The following PDE6A variants were observed in gnomAD, a reference collection of about 807,000 sequenced individuals.
PDE6A encodes the protein phosphodiesterase 6A.
PDE6A carries 84 observed loss-of-function variants against 106.3 expected under a neutral mutation model. The observed-to-expected ratio is 0.79, with a 90% confidence interval of 0.66 to 0.95. The LOEUF is 0.95. PDE6A is among the 40% of genes least tolerant of loss of function. The pLI, the probability that PDE6A is intolerant of heterozygous loss-of-function variation, is 0.00. For missense variants in PDE6A, 1,052 were observed against 1,084.9 expected (o/e 0.97, Z 0.43); for synonymous variants, 394 against 386.6 (o/e 1.02, Z -0.23).
chr5:149,930,998 T>C, intron 4 of PDE6A, 30 bp downstream of exon 4: 3 of 1,611,774 alleles, frequency 1.9e-6, no homozygotes, highest in East Asian at 2.2e-5. Flanking sequence ...AATCTTTTCT[T>C]GGAAATGTCT....
In PDE6A at chr5:149,944,311, G is replaced by A. The variant is rs767520227; in HGVS notation, c.363C>T (p.Leu121=). 2.0e-5 allele frequency: 32 copies of A among 1,613,922 alleles called. No individual in the cohort carries two copies. Among genetic ancestry groups the A allele is most frequent in the African/African-American group, 6.7e-5 (5 of 74,886 alleles). ...RLFNVHKDAV[L]EDCLVMPDQE... ...GGTCGGGCATCACCAGGCAGTCCTC[G>A]AGGACAGCATCCTTGTGGACATTGA... The change falls in exon 1 of 22, where the codon CTC becomes CTT. Residue 121 remains leucine, a synonymous_variant. Coordinates refer to ENST00000255266, the MANE Select transcript of PDE6A (RefSeq NM_000440.3).
At chr5:149,882,411 C>A (rs1265386326) in intron 17 of PDE6A, among the ~76,000 whole-genome samples, 2 of 152,056 alleles carry the variant, frequency 1.3e-5, no homozygotes, top group Non-Finnish European at 2.9e-5. Context: ...CCTTGTCTCC[C>A]CTGCAACTTT....
At chr5:149,916,528 C>T (rs577516808) in intron 5 of PDE6A, among the ~76,000 whole-genome samples, 21 of 152,304 alleles carry the variant, frequency 1.4e-4, no homozygotes, top group African/African-American at 4.8e-4. Flanking sequence ...AACTAACTCT[C>T]TGCCTCTTCC....
intron 8 of PDE6A, among the ~76,000 whole-genome samples, chr5:149,902,787 A>C (rs931279505): frequency 6.6e-6 from 1 of 151,118 alleles, no homozygotes; most frequent in Non-Finnish European, 1.5e-5. Context: ...ACGCCACTGC[A>C]CTCCAGCCTG....
chr5:149,920,992 A>AAGAAAGAGAG (rs376178582), intron 5 of PDE6A, among the ~76,000 whole-genome samples: 1 of 133,194 alleles, frequency 7.5e-6, no homozygotes, highest in African/African-American at 3.0e-5. Flanking sequence ...GAAAGAAAGA[A>AAGAAAGAGAG]AGAAAAAGAA....
rs965518387 is a variant in PDE6A, at chr5:149,858,343, C to G, written c.*2552G>C. ...AACAAATTGACTTGCAAATTTTTAG[C>G]ATGTTATTGCCATTTTCAACTTCTG... On this transcript the variant is annotated 3_prime_UTR_variant, in exon 22 of 22. Transcript: ENST00000255266. 2 of 152,134 alleles carry G rather than the reference C, an allele frequency of 1.3e-5. No homozygotes were observed. The highest frequency in any genetic ancestry group is 2.9e-5 in the Non-Finnish European group (2 of 68,038). 9.4% of individuals were successfully genotyped at this position (152,134 alleles called of 1,614,324 possible).
In PDE6A at chr5:149,884,549, G is replaced by A. The variant is rs753942596; in HGVS notation, c.1957C>T (p.Arg653Ter). ...ATGTGGATGGCATGCTCATGCTGTC[G>A]ACGATTGAGGTTTTGAAAGATATTC... Reference protein sequence around the residue: ...SLNIFQNLNRRQHEHAIHMMD... With the variant: ...SLNIFQNLNR The change falls in exon 16 of 22, where the codon CGA (arginine) becomes TGA (stop). Residue 653 changes from arginine to a stop codon, truncating the protein, a stop_gained. Transcript: ENST00000255266. LOFTEE classifies it high-confidence loss of function. 1.8e-5 allele frequency: 29 copies of A among 1,613,584 alleles called. No homozygotes were observed. The highest frequency in any genetic ancestry group is 1.6e-4 in the East Asian group (7 of 44,878).
At chr5:149,910,868 T>C (rs1430270335) in intron 6 of PDE6A, among the ~76,000 whole-genome samples, 3 of 116,060 alleles carry the variant, frequency 2.6e-5, no homozygotes, top group Non-Finnish European at 5.4e-5. Flanking sequence ...AGCCAGTTTC[T>C]TTTTCCTTTT....
At chr5:149,935,370 A>G (rs2113662366) in intron 1 of PDE6A, among the ~76,000 whole-genome samples, 1 of 152,274 alleles carries the variant, frequency 6.6e-6, no homozygotes, top group South Asian at 2.1e-4. Context: ...TCATTGAACA[A>G]AAGAATTTGT....
At chr5:149,885,652 A>G (rs865919520) in intron 14 of PDE6A, among the ~76,000 whole-genome samples, 2 of 152,228 alleles carry the variant, frequency 1.3e-5, no homozygotes, top group Admixed American at 6.5e-5. Context: ...CAGGTAGGAC[A>G]AGGAAGGAGA....
Position 149,888,478 on chromosome 5 carries a change from ATGT to A in PDE6A, c.1729-2107_1729-2105del, listed in dbSNP as rs201899756. On this transcript the variant is annotated intron_variant, in intron 13 of 21. Coordinates refer to ENST00000255266, the MANE Select transcript of PDE6A (RefSeq NM_000440.3). ...TTAGAATTCTTAACACATAATTAAT[ATGT>A]TATTTATAATATATTAATAACTAAT... 4.7e-3 allele frequency among the ~76,000 whole-genome samples: 703 copies of A among 148,176 alleles called. 7 individuals carry two copies. The highest frequency in any genetic ancestry group is 0.016 in the African/African-American group (674 of 40,878).
At chr5:149,906,254 G>A (rs1375441952) in intron 7 of PDE6A, among the ~76,000 whole-genome samples, 1 of 151,582 alleles carries the variant, frequency 6.6e-6, no homozygotes, top group East Asian at 1.9e-4. Context: ...GGATGAGCAT[G>A]GTGGTTCACG....
intron 13 of PDE6A, among the ~76,000 whole-genome samples, chr5:149,892,046 C>T (rs1302929620): frequency 6.6e-6 from 1 of 152,134 alleles, no homozygotes; most frequent in Non-Finnish European, 1.5e-5. Flanking sequence ...AGTTTAATAG[C>T]TTGTGCCTAT....
At chr5:149,914,592 A>G (rs1753492852) in intron 6 of PDE6A, among the ~76,000 whole-genome samples, 1 of 151,980 alleles carries the variant, frequency 6.6e-6, no homozygotes, top group Non-Finnish European at 1.5e-5. Flanking sequence ...CAATTTCCCA[A>G]AAAGTCCTGT....
rs1242407767 is a variant in PDE6A at position 149,895,096 on chromosome 5, C to T, written c.1728+87G>A. 8.5e-6 allele frequency: 7 copies of T among 822,044 alleles called. No individual in the cohort carries two copies. The Admixed American group carries it at 1.0e-4, about 12-fold the overall frequency. 50.9% of individuals were successfully genotyped at this position (822,044 alleles called of 1,614,324 possible). On this transcript the variant is annotated intron_variant, in intron 13 of 21. Coordinates refer to ENST00000255266, the MANE Select transcript of PDE6A (RefSeq NM_000440.3). ...AAGACAATAAATAAAGAAAGAAGAA[C>T]AACGCTGTTGCTACCATGTAGAGTC... is the stretch of plus-strand genomic sequence containing the variant.
At chr5:149,920,531 G>T (rs890197338) in intron 5 of PDE6A, among the ~76,000 whole-genome samples, 4 of 152,148 alleles carry the variant, frequency 2.6e-5, no homozygotes, top group Non-Finnish European at 5.9e-5. Flanking sequence ...AGTGAGCCAA[G>T]ATCACGCCAT....
chr5:149,930,981 T>C (rs761654010), intron 4 of PDE6A, 47 bp downstream of exon 4: 2 of 1,597,098 alleles, frequency 1.3e-6, no homozygotes, highest in Non-Finnish European at 1.7e-6. Context: ...TCAGTCAGTG[T>C]CTGTTTAATC....
intron 10 of PDE6A, 87 bp from the exon 11 acceptor site, chr5:149,896,863 G>A (rs750295242): frequency 1.4e-6 from 2 of 1,434,698 alleles, no homozygotes; most frequent in African/African-American, 1.4e-5. Flanking sequence ...TTCCTCCAAA[G>A]TCCTTGCAAC....
intron 10 of PDE6A, 21 bp from the exon 11 acceptor site, chr5:149,896,797 AGG>A: frequency 6.2e-7 from 1 of 1,613,850 alleles, no homozygotes; most frequent in Non-Finnish European, 8.5e-7. Context: ...CCAAAATGGC[AGG>A]GGAAAAAAAA....
Sources: allele counts gnomAD v4.1 joint callset (sites outside exome capture counted in the v4.1 genomes callset), GRCh38; gene constraint gnomAD v4.1.1; transcripts MANE v1.5; gene names NCBI Gene and HGNC (gene_info 2026-07-23, HGNC 2026-07-21).